The following PSPC1 variants were observed in gnomAD, a reference collection of about 807,000 sequenced individuals.
PSPC1 encodes the protein paraspeckle protein 1.
Under a neutral mutation model 51.6 loss-of-function variants are expected in PSPC1, and 14 were observed. The observed-to-expected ratio is 0.27, with a 90% confidence interval of 0.18 to 0.42. The LOEUF is 0.42. Ranked by LOEUF, PSPC1 falls within the 10% of genes least tolerant of loss-of-function variation. The pLI is 1.00. For synonymous variants in PSPC1, 193 were observed against 231.9 expected, an observed-to-expected ratio of 0.83 and a Z score of 1.53; for missense variants, 406 against 701.1, an observed-to-expected ratio of 0.58 and a Z score of 4.75.
intron 6 of PSPC1, among the ~76,000 whole-genome samples, chr13:19,723,197 G>T (rs1384012021): frequency 6.6e-6 from 1 of 152,132 alleles, no homozygotes. Context: ...ACCTGAGTCT[G>T]AACAGATATT....
intron 6 of PSPC1, among the ~76,000 whole-genome samples, chr13:19,693,909 G>A (rs548657843): frequency 4.6e-5 from 7 of 152,112 alleles, no homozygotes; most frequent in South Asian, 2.1e-4. Flanking sequence ...GGATCACGAG[G>A]TCAGGAGATC....
intron 4 of PSPC1, among the ~76,000 whole-genome samples, chr13:19,746,321 G>C (rs1885975043): frequency 1.3e-5 from 2 of 151,556 alleles, no homozygotes; most frequent in Admixed American, 1.3e-4. Flanking sequence ...AGAATCACTT[G>C]AAACACAGAG....
At chr13:19,704,152 A>G (rs150354178) in intron 8 of PSPC1, among the ~76,000 whole-genome samples, 31 of 152,400 alleles carry the variant, frequency 2.0e-4, no homozygotes, top group African/African-American at 7.5e-4. Flanking sequence ...TGTTACTTCT[A>G]TGTTTCTATT....
intron 6 of PSPC1, among the ~76,000 whole-genome samples, chr13:19,691,354 C>A (rs1339886151): frequency 6.6e-6 from 1 of 151,900 alleles, no homozygotes; most frequent in East Asian, 1.9e-4. Context: ...CACAGTGAGA[C>A]CCTGTTTCTA....
intron 6 of PSPC1, among the ~76,000 whole-genome samples, chr13:19,722,108 G>A (rs951245080): frequency 5.3e-5 from 8 of 152,062 alleles, no homozygotes; most frequent in Non-Finnish European, 1.0e-4. Context: ...CATAAAATTC[G>A]TGACCTCGAA....
chr13:19,698,726 T>G (rs1027489015), downstream of PSPC1, among the ~76,000 whole-genome samples: 2 of 151,922 alleles, frequency 1.3e-5, no homozygotes, highest in African/African-American at 2.4e-5. Context: ...AAACTTCTTT[T>G]AAAAATACAG....
chr13:19,706,639 G>C (rs2137749815), intron 7 of PSPC1, among the ~76,000 whole-genome samples: 1 of 151,732 alleles, frequency 6.6e-6, no homozygotes, highest in East Asian at 1.9e-4. Flanking sequence ...CTACATATAT[G>C]ATGATCTCAG....
At chr13:19,773,906 C>A (rs555937351) in intron 1 of PSPC1, among the ~76,000 whole-genome samples, 23 of 152,110 alleles carry the variant, frequency 1.5e-4, no homozygotes, top group Non-Finnish European at 2.4e-4. Context: ...AGTCCTCTCG[C>A]CTTAGCCTCC....
At chr13:19,752,219 G>C (rs185806144) in intron 3 of PSPC1, among the ~76,000 whole-genome samples, 1 of 152,212 alleles carries the variant, frequency 6.6e-6, no homozygotes, top group East Asian at 1.9e-4. Flanking sequence ...TACTACCATT[G>C]TAGTTAATTA....
intron 2 of PSPC1, among the ~76,000 whole-genome samples, chr13:19,762,356 G>A (rs1159078848): frequency 6.6e-6 from 1 of 152,102 alleles, no homozygotes; most frequent in Non-Finnish European, 1.5e-5. Context: ...AGGAGTTTGA[G>A]ACCAGTCTGG....
At chr13:19,753,086 G>A (rs1426889470) in intron 3 of PSPC1, among the ~76,000 whole-genome samples, 1 of 151,420 alleles carries the variant, frequency 6.6e-6, no homozygotes, top group African/African-American at 2.4e-5. Flanking sequence ...TTCAAGACCA[G>A]CCTGGCCAAC....
chr13:19,739,022 C>A (rs1319792723), intron 5 of PSPC1, among the ~76,000 whole-genome samples: 2 of 152,046 alleles, frequency 1.3e-5, no homozygotes, highest in African/African-American at 2.4e-5. Flanking sequence ...ATGTAGAACC[C>A]ACAGATACAA....
intron 6 of PSPC1, among the ~76,000 whole-genome samples, chr13:19,691,383 G>A (rs1878525053): frequency 6.6e-6 from 1 of 151,850 alleles, no homozygotes; most frequent in African/African-American, 2.4e-5. Context: ...TTTTTAAAAA[G>A]TAGCTAGGCA....
At chr13:19,699,618 G>C (rs904530562), downstream of PSPC1, among the ~76,000 whole-genome samples, 1 of 151,904 alleles carries the variant, frequency 6.6e-6, no homozygotes, top group African/African-American at 2.4e-5. Flanking sequence ...ATCTTCATCA[G>C]TATGAAATTA....
chr13:19,698,946 T>A (rs994945810), downstream of PSPC1, among the ~76,000 whole-genome samples: 3 of 151,780 alleles, frequency 2.0e-5, no homozygotes, highest in African/African-American at 7.3e-5. Context: ...GTTAATTTCA[T>A]CAGGTAAAAA....
At chr13:19,767,722 G>A (rs921489316) in intron 2 of PSPC1, among the ~76,000 whole-genome samples, 4 of 151,760 alleles carry the variant, frequency 2.6e-5, no homozygotes, top group South Asian at 4.2e-4. Flanking sequence ...AGACCTGCAC[G>A]GTAACAAGGA....
At chr13:19,773,408 C>T (rs1012712777) in intron 1 of PSPC1, among the ~76,000 whole-genome samples, 5 of 151,630 alleles carry the variant, frequency 3.3e-5, no homozygotes, top group African/African-American at 1.2e-4. Context: ...CGCTACCACG[C>T]CCAGCTAATT....
At chr13:19,756,660 C>A (rs1191845036) in intron 3 of PSPC1, among the ~76,000 whole-genome samples, 1 of 151,984 alleles carries the variant, frequency 6.6e-6, no homozygotes, top group Non-Finnish European at 1.5e-5. Flanking sequence ...CCACCACACC[C>A]GGCTGATTTT....
chr13:19,675,036 A>C (rs1201372710), intron 7 of PSPC1: 2 of 152,560 alleles, frequency 1.3e-5, no homozygotes, highest in African/African-American at 4.8e-5. Context: ...CAAGATCAGG[A>C]AACAAGATCA....
Sources: gnomAD v4.1 joint callset for allele counts (sites outside exome capture counted in the v4.1 genomes callset) on GRCh38, gnomAD v4.1.1 for gene constraint, MANE v1.5 for transcripts, NCBI Gene and HGNC (gene_info 2026-07-23, HGNC 2026-07-21) for gene names.